The following GLI4 variants were observed in gnomAD, a reference collection of about 807,000 sequenced individuals.
The protein encoded by GLI4 is zinc finger protein GLI4.
A neutral mutation model predicts 30.9 loss-of-function variants in GLI4; 34 were observed. That is an observed-to-expected ratio of 1.10 (90% CI 0.84 to 1.47). The LOEUF is 1.47. GLI4 is among the 40% of genes most tolerant of loss of function. The pLI is 0.00. For missense variants in GLI4, 696 were observed against 538.9 expected (o/e 1.29, Z -2.89); for synonymous variants, 277 against 236.7 (o/e 1.17, Z -1.56).
intron 2 of GLI4, among the ~76,000 whole-genome samples, chr8:143,273,770 C>T (rs1192390930): frequency 1.3e-5 from 2 of 152,230 alleles, no homozygotes; most frequent in Non-Finnish European, 2.9e-5. Context: ...TTCGGCCTCA[C>T]GGGGCTAAGA....
chr8:143,276,007 C>G lies in GLI4; in HGVS notation c.334C>G (p.Arg112Gly). Reference sequence around the variant, plus strand: ...CCTGAGGAGCCTTCCCCGCAGGGCCCGGTGCAGCGCCGGCTTCGGGCCTGA... The same window carrying G: ...CCTGAGGAGCCTTCCCCGCAGGGCCGGGTGCAGCGCCGGCTTCGGGCCTGA... ...SLLRSLPRRA[R>G]CSAGFGPESS... The change falls in exon 4 of 4, where the codon CGG (arginine) becomes GGG (glycine). Residue 112 changes from arginine (R) to glycine (G), a missense_variant. By Grantham distance (125) the Arg-to-Gly change is moderately radical. Coordinates refer to ENST00000340042, the MANE Select transcript of GLI4 (RefSeq NM_138465.4). 7.1e-7 allele frequency: 1 copy of G among 1,408,508 alleles called. No homozygotes were observed. Among genetic ancestry groups the G allele is most frequent in the Non-Finnish European group, 9.2e-7 (1 of 1,083,670 alleles). The allele number at this position is 1,408,508 out of a possible 1,614,324, so 87.3% of individuals were successfully genotyped here.
intron 1 of GLI4, 90 bp downstream of exon 1, chr8:143,267,574 C>T (rs1815164390): frequency 1.0e-6 from 1 of 985,350 alleles, no homozygotes; most frequent in Non-Finnish European, 1.2e-6. Flanking sequence ...TGCAGCCCTG[C>T]CCAGCCGGGC....
At chr8:143,267,866 G>C (rs902930891) in intron 1 of GLI4, 1 of 985,466 alleles carries the variant, frequency 1.0e-6, no homozygotes, top group Non-Finnish European at 1.2e-6. Flanking sequence ...GACGCGCTCT[G>C]TGCCGAGCTC....
intron 1 of GLI4, chr8:143,267,785 A>G: frequency 1.0e-6 from 1 of 985,300 alleles, no homozygotes; most frequent in Non-Finnish European, 1.2e-6. Flanking sequence ...TGCAGATGGG[A>G]AACTGAGGCC....
At position 143,276,653 on chromosome 8, in the gene GLI4, A is replaced by G. The variant is rs761860283; in HGVS notation, c.980A>G (p.Asp327Gly). 19 of 1,612,038 alleles carry G rather than the reference A, an allele frequency of 1.2e-5. No homozygotes were observed. The highest frequency in any genetic ancestry group is 4.5e-5 in the East Asian group (2 of 44,804). Residue 327 changes from aspartate (D) to glycine (G), a missense_variant, in exon 4 of 4, where the codon GAC becomes GGC. Asp to Gly is a moderately conservative substitution (Grantham distance 94). Coordinates refer to ENST00000340042, the MANE Select transcript of GLI4 (RefSeq NM_138465.4). ...GGCGAGAAGCCCTACGAGTGCTCCG[A>G]CTGCGGCAAAGCCTTCCGCGGCCGC... is the stretch of plus-strand genomic sequence containing the variant. ...HTGEKPYECS[D>G]CGKAFRGRSH...
At position 143,269,376 on chromosome 8, in the gene GLI4, C is replaced by T. The variant is rs747298924; in HGVS notation, c.-21C>T. 6.2e-7 allele frequency: 1 copy of T among 1,609,882 alleles called. No individual in the cohort carries two copies. The highest frequency in any genetic ancestry group is 8.5e-7 in the Non-Finnish European group (1 of 1,177,836). On this transcript the variant is annotated 5_prime_UTR_variant, in exon 2 of 4. Coordinates refer to ENST00000340042, the MANE Select transcript of GLI4 (RefSeq NM_138465.4). ...TTTCCCCAGGTCCCAGGTGTGACACCTTCAGCAGGTCTCAGGGAAGATGGC... is the reference window on the plus strand; with the variant it reads ...TTTCCCCAGGTCCCAGGTGTGACACTTTCAGCAGGTCTCAGGGAAGATGGC...
intron 3 of GLI4, 187 bp from the exon 4 acceptor site, chr8:143,275,710 A>C: frequency 8.1e-7 from 1 of 1,235,210 alleles, no homozygotes. Context: ...CCCTGTGTCT[A>C]TGTCAGCTCT....
chr8:143,267,833 C>G (rs1815171594), intron 1 of GLI4: 1 of 985,320 alleles, frequency 1.0e-6, no homozygotes, highest in Non-Finnish European at 1.2e-6. Context: ...AGCCGCCGGA[C>G]CCCAGCGCCG....
chr8:143,275,719 C>T (rs1317715660), intron 3 of GLI4, 178 bp from the exon 4 acceptor site: 8 of 1,240,864 alleles, frequency 6.4e-6, no homozygotes, highest in African/African-American at 4.7e-5. Context: ...TATGTCAGCT[C>T]TCCTGGGCAC....
rs1563737887 is a variant in GLI4 at position 143,276,592 on chromosome 8, A to T, written c.919A>T (p.Ser307Cys). 6.2e-7 allele frequency: 1 copy of T among 1,610,638 alleles called. No homozygotes were observed. ...CSQCGKAFIW[S>C]SVLIEHQRIH... is the part of the protein sequence containing the mutation. ...CCAGTGCGGCAAGGCCTTCATCTGG[A>T]GCTCCGTGCTCATCGAGCACCAGCG... Residue 307 changes from serine (S) to cysteine (C), a missense_variant, in exon 4 of 4, where the codon AGC (serine) becomes TGC (cysteine). By Grantham distance (112) the Ser-to-Cys change is moderately radical. Transcript: ENST00000340042.
intron 2 of GLI4, among the ~76,000 whole-genome samples, chr8:143,272,710 G>A (rs955660434): frequency 1.6e-4 from 24 of 152,204 alleles, no homozygotes; most frequent in Non-Finnish European, 3.4e-4. Flanking sequence ...AATGTGGGCA[G>A]GTGTCAGGAT....
intron 3 of GLI4, chr8:143,275,490 A>C: frequency 7.6e-7 from 1 of 1,313,464 alleles, no homozygotes; most frequent in East Asian, 3.0e-5. Context: ...CTGTGCCCAT[A>C]TGGACCACAT....
rs1264997041 is a variant in GLI4 at position 143,267,500 on chromosome 8, C to CG, written c.-38+18dup. 1.0e-6 allele frequency: 1 copy of CG among 980,834 alleles called. No individual in the cohort carries two copies. Among genetic ancestry groups the CG allele is most frequent in the East Asian group, 1.1e-4 (1 of 8,744 alleles). The allele number at this position is 980,834 out of a possible 1,614,324, so 60.8% of individuals were successfully genotyped here. On this transcript the variant is annotated intron_variant, in intron 1 of 3. Transcript: ENST00000340042. ...CGCTCGGAAGGTGAGTGGGCGCGGG[C>CG]GGCGGCGGCGGCTCCGGGTGCCTGG...
chr8:143,271,784 C>T (rs1440245668), intron 2 of GLI4, among the ~76,000 whole-genome samples: 1 of 151,940 alleles, frequency 6.6e-6, no homozygotes, highest in Non-Finnish European at 1.5e-5. Flanking sequence ...GAGGAGCGGC[C>T]GGGTAAGGTT....
chr8:143,274,883 C>T (rs1379895850), intron 3 of GLI4, 81 bp downstream of exon 3: 2 of 1,501,284 alleles, frequency 1.3e-6, no homozygotes, highest in African/African-American at 2.8e-5. Flanking sequence ...TCTGTGGCAC[C>T]CCCAATGCTG....
chr8:143,267,904 C>T, intron 1 of GLI4: 2 of 985,418 alleles, frequency 2.0e-6, no homozygotes, highest in Non-Finnish European at 1.2e-6. Flanking sequence ...TCCCACGGGG[C>T]TGGGAACAGA....
intron 2 of GLI4, among the ~76,000 whole-genome samples, chr8:143,272,677 C>T (rs1246595220): frequency 6.6e-6 from 1 of 152,204 alleles, no homozygotes; most frequent in African/African-American, 2.4e-5. Flanking sequence ...TGGCAGGTGA[C>T]TGAGCTCTGC....
chr8:143,271,359 G>T (rs1815264690), intron 2 of GLI4, among the ~76,000 whole-genome samples: 1 of 152,186 alleles, frequency 6.6e-6, no homozygotes, highest in African/African-American at 2.4e-5. Flanking sequence ...ATGCTGATAG[G>T]CCTGGTGTAG....
chr8:143,273,366 C>T (rs1815310733), intron 2 of GLI4: 1 of 152,246 alleles, frequency 6.6e-6, no homozygotes, highest in Admixed American at 6.5e-5. Context: ...TCTGGACCCT[C>T]GGCTCTCGAG....
Sources: gnomAD v4.1 joint callset for allele counts (sites outside exome capture counted in the v4.1 genomes callset) on GRCh38, gnomAD v4.1.1 for gene constraint, MANE v1.5 for transcripts, NCBI Gene and HGNC (gene_info 2026-07-23, HGNC 2026-07-21) for gene names.